SGCZ: variants seen among roughly 807,000 people sequenced by gnomAD.
SGCZ encodes zeta-sarcoglycan.
SGCZ carries 40 observed loss-of-function variants against 41.3 expected under a neutral mutation model. The ratio of observed to expected loss-of-function variants is 0.97; its 90% CI spans 0.75 to 1.26. The LOEUF is 1.26. Ranked by LOEUF, SGCZ falls within the 50% of genes most tolerant of loss-of-function variation. The pLI, the probability that SGCZ is intolerant of heterozygous loss-of-function variation, is 0.00. For missense variants in SGCZ, 552 were observed against 369.8 expected, an observed-to-expected ratio of 1.49 and a Z score of -4.04; for synonymous variants, 206 against 137.5, an observed-to-expected ratio of 1.50 and a Z score of -3.49.
chr8:14,495,111 G>T (rs996253344), intron 2 of SGCZ, among the ~76,000 whole-genome samples: 1 of 152,104 alleles, frequency 6.6e-6, no homozygotes, highest in Non-Finnish European at 1.5e-5. Flanking sequence ...ACCTCTCAAG[G>T]AATGTGGATT....
intron 1 of SGCZ, among the ~76,000 whole-genome samples, chr8:14,811,001 T>C (rs1484001111): frequency 1.3e-5 from 2 of 152,036 alleles, no homozygotes; most frequent in Non-Finnish European, 2.9e-5. Flanking sequence ...ATGTACAACA[T>C]TTTTAGTACA....
chr8:15,099,018 A>T (rs1806498097), intron 1 of SGCZ, among the ~76,000 whole-genome samples: 1 of 152,252 alleles, frequency 6.6e-6, no homozygotes, highest in Non-Finnish European at 1.5e-5. Flanking sequence ...AGATCCCACC[A>T]CTGTACTCCA....
At chr8:14,153,763 C>A (rs1365732986) in intron 5 of SGCZ, among the ~76,000 whole-genome samples, 2 of 152,048 alleles carry the variant, frequency 1.3e-5, no homozygotes, top group South Asian at 2.1e-4. Context: ...ATGCTGAAAT[C>A]CTAACCCTCA....
intron 3 of SGCZ, among the ~76,000 whole-genome samples, chr8:14,249,871 C>A (rs1799228784): frequency 6.6e-6 from 1 of 152,080 alleles, no homozygotes. Flanking sequence ...GATTTTGAGC[C>A]AGAAGCAATG....
intron 1 of SGCZ, among the ~76,000 whole-genome samples, chr8:15,084,913 C>A (rs148563315): frequency 6.6e-6 from 1 of 152,300 alleles, no homozygotes; most frequent in African/African-American, 2.4e-5. Context: ...TATGAAACCA[C>A]ACCAAATGCC....
In SGCZ at chr8:15,217,348, C is replaced by G. The variant is rs1426327023; in HGVS notation, c.39+20237G>C. On this transcript the variant is annotated intron_variant, in intron 1 of 7. Coordinates refer to ENST00000382080, the MANE Select transcript of SGCZ (RefSeq NM_139167.4). The stretch of plus-strand genomic sequence containing the variant: ...AGGAGAATGGCGTGAACCCGGGAGG[C>G]GGAGCTTGCAGTGAGTCGAGATTGC... Among the ~76,000 whole-genome samples, 3 of 148,470 alleles carry G rather than the reference C, an allele frequency of 2.0e-5. No individual in the cohort carries two copies. The East Asian group carries it at 6.0e-4, about 30-fold the overall frequency.
chr8:14,208,612 A>G (rs528929534), intron 4 of SGCZ, among the ~76,000 whole-genome samples: 2 of 152,320 alleles, frequency 1.3e-5, no homozygotes, highest in South Asian at 4.1e-4. Context: ...ATAGAATCAG[A>G]CATTTTTCTT....
chr8:14,895,855 G>C (rs1232831227), intron 1 of SGCZ, among the ~76,000 whole-genome samples: 1 of 152,110 alleles, frequency 6.6e-6, no homozygotes, highest in East Asian at 1.9e-4. Flanking sequence ...GATTCTAATT[G>C]ATCTATGTAG....
intron 1 of SGCZ, among the ~76,000 whole-genome samples, chr8:15,115,787 G>A (rs367768785): frequency 1.1e-4 from 17 of 152,312 alleles, no homozygotes; most frequent in East Asian, 9.7e-4. Context: ...TGTACAATGT[G>A]TAAGAAGGTT....
intron 5 of SGCZ, among the ~76,000 whole-genome samples, chr8:14,109,669 C>G (rs1410230943): frequency 2.0e-5 from 3 of 152,090 alleles, no homozygotes; most frequent in Non-Finnish European, 4.4e-5. Context: ...GAAATTAAAG[C>G]TAAAATTCCA....
At chr8:14,934,235 A>G (rs1800014037) in intron 1 of SGCZ, among the ~76,000 whole-genome samples, 1 of 152,026 alleles carries the variant, frequency 6.6e-6, no homozygotes, top group Admixed American at 6.6e-5. Context: ...CACCGCATGA[A>G]AACTACCAGA....
At chr8:14,771,870 G>A (rs556591103) in intron 1 of SGCZ, among the ~76,000 whole-genome samples, 2 of 152,114 alleles carry the variant, frequency 1.3e-5, no homozygotes, top group South Asian at 4.2e-4. Flanking sequence ...CATGTAATTT[G>A]AATCAATATA....
chr8:14,326,807 A>T (rs1313487949), intron 2 of SGCZ, among the ~76,000 whole-genome samples: 1 of 152,138 alleles, frequency 6.6e-6, no homozygotes, highest in African/African-American at 2.4e-5. Flanking sequence ...CAAAAATAAA[A>T]AGTGGCTCAG....
intron 2 of SGCZ, among the ~76,000 whole-genome samples, chr8:14,458,227 A>C (rs1332477714): frequency 6.6e-6 from 1 of 152,228 alleles, no homozygotes; most frequent in Non-Finnish European, 1.5e-5. Context: ...CAAATATTTT[A>C]AAAAATGAAA....
At chr8:14,555,757 T>C (rs1000578053) in intron 1 of SGCZ, among the ~76,000 whole-genome samples, 2 of 152,068 alleles carry the variant, frequency 1.3e-5, no homozygotes, top group Non-Finnish European at 2.9e-5. Context: ...TACAAATGGT[T>C]CAGTATATAT....
chr8:14,279,228 C>G (rs1800340773), intron 3 of SGCZ, among the ~76,000 whole-genome samples: 1 of 151,912 alleles, frequency 6.6e-6, no homozygotes, highest in South Asian at 2.1e-4. Flanking sequence ...TTTTGGTTTT[C>G]TTTGAGAATT....
At chr8:14,626,029 A>C (rs753969721) in intron 1 of SGCZ, among the ~76,000 whole-genome samples, 4 of 152,250 alleles carry the variant, frequency 2.6e-5, no homozygotes, top group Non-Finnish European at 4.4e-5. Flanking sequence ...GCTAGGGCAG[A>C]CATATGAGGA....
intron 1 of SGCZ, among the ~76,000 whole-genome samples, chr8:14,951,648 G>C (rs1427628471): frequency 1.3e-5 from 2 of 151,966 alleles, no homozygotes; most frequent in Non-Finnish European, 2.9e-5. Flanking sequence ...ATGACTAAAT[G>C]ATCATTTGTA....
At chr8:14,434,162 A>T (rs1226243289) in intron 2 of SGCZ, among the ~76,000 whole-genome samples, 1 of 152,034 alleles carries the variant, frequency 6.6e-6, no homozygotes, top group Non-Finnish European at 1.5e-5. Flanking sequence ...AGAGATGAGG[A>T]CCCAGTTTCA....
Sources: gnomAD v4.1 joint callset for allele counts (sites outside exome capture counted in the v4.1 genomes callset) on GRCh38, gnomAD v4.1.1 for gene constraint, MANE v1.5 for transcripts, NCBI Gene and HGNC (gene_info 2026-07-23, HGNC 2026-07-21) for gene names.